Variants in FAM111B observed in about 807,000 individuals in gnomAD.
FAM111B encodes the protein FAM111 trypsin like peptidase B.
In FAM111B, 1 loss-of-function variant was observed where a neutral mutation model predicts 2.8. The observed-to-expected ratio is 0.36, with a 90% CI of 0.13 to 1.70. The LOEUF (loss-of-function observed/expected upper bound fraction) is 1.70. Ranked by LOEUF, FAM111B falls within the 40% of genes most tolerant of loss-of-function variation. FAM111B has a pLI of 0.35. For synonymous variants in FAM111B, 297 were observed against 295.6 expected, an observed-to-expected ratio of 1.00 and a Z score of -0.05; for missense variants, 882 against 878.9, an observed-to-expected ratio of 1.00 and a Z score of -0.04.
At position 59,118,743 on chromosome 11, in the gene FAM111B, T is replaced by G. The variant is rs535924611; in HGVS notation, c.82-5436T>G. 2.0e-5 allele frequency among the ~76,000 whole-genome samples: 3 copies of G among 152,074 alleles called. No homozygotes were observed. In the East Asian group the frequency reaches 5.8e-4, roughly 29 times the overall value. On this transcript the variant is annotated intron_variant, in intron 3 of 3. Coordinates refer to ENST00000343597, the MANE Select transcript of FAM111B (RefSeq NM_198947.4). ...AAGAAGTTTCCTTTTATTCCTAGGT[T>G]GCTGATATTATTAGAAATAGATGTC... is the stretch of plus-strand genomic sequence containing the variant.
At position 59,109,598 on chromosome 11, in the gene FAM111B, A is replaced by G. The variant is rs1346788781; in HGVS notation, c.-28A>G. The G allele has an allele frequency of 6.9e-7, 1 of 1,459,144 alleles. No individual in the cohort carries two copies. Among genetic ancestry groups the G allele is most frequent in the Non-Finnish European group, 9.5e-7 (1 of 1,055,368 alleles). The allele number at this position is 1,459,144 out of a possible 1,614,324, so 90.4% of individuals were successfully genotyped here. ...TTTCTCCATCTTATCGAGTAGTAGA[A>G]GTTAGTTACATTCTCTTTGAACTCA... is the stretch of plus-strand genomic sequence containing the variant. On this transcript the variant is annotated 5_prime_UTR_variant, in exon 3 of 4. Coordinates refer to ENST00000343597, the MANE Select transcript of FAM111B (RefSeq NM_198947.4).
chr11:59,122,983 G>T (rs1859946959), intron 3 of FAM111B, among the ~76,000 whole-genome samples: 1 of 152,016 alleles, frequency 6.6e-6, no homozygotes, highest in Non-Finnish European at 1.5e-5. Context: ...TCCAAGTTAT[G>T]TTGACTCTTG....
At chr11:59,116,101 C>G (rs188581593) in intron 3 of FAM111B, among the ~76,000 whole-genome samples, 1 of 152,296 alleles carries the variant, frequency 6.6e-6, no homozygotes, top group Admixed American at 6.5e-5. Context: ...TGCTCTGCCC[C>G]AAGGCCTCGA....
At chr11:59,112,960 C>T (rs1406176411) in intron 3 of FAM111B, among the ~76,000 whole-genome samples, 1 of 152,038 alleles carries the variant, frequency 6.6e-6, no homozygotes, top group Non-Finnish European at 1.5e-5. Flanking sequence ...GTCTTTTCAT[C>T]CTTTTATTCC....
At chr11:59,122,173 A>G in intron 3 of FAM111B, among the ~76,000 whole-genome samples, 1 of 152,214 alleles carries the variant, frequency 6.6e-6, no homozygotes, top group East Asian at 1.9e-4. Context: ...TAAAATAAAT[A>G]AGTAGTGCAA....
intron 3 of FAM111B, among the ~76,000 whole-genome samples, chr11:59,117,759 G>A (rs1590890229): frequency 6.6e-6 from 1 of 152,240 alleles, no homozygotes; most frequent in Non-Finnish European, 1.5e-5. Flanking sequence ...TTCTTCTGAG[G>A]TTTGGGAGTG....
chr11:59,113,089 A>G (rs1201900786), intron 3 of FAM111B, among the ~76,000 whole-genome samples: 2 of 152,178 alleles, frequency 1.3e-5, no homozygotes, highest in African/African-American at 4.8e-5. Context: ...ATCACAAAAC[A>G]TTTCTAGTTT....
intron 3 of FAM111B, among the ~76,000 whole-genome samples, chr11:59,113,784 C>G (rs75690737): frequency 0.021 from 3,254 of 152,218 alleles, 129 homozygotes; most frequent in African/African-American, 0.074. Context: ...ACAGTCTGCC[C>G]GGCACATTAG....
At position 59,125,755 on chromosome 11, in the gene FAM111B, A is replaced by G; in HGVS notation, c.1658A>G (p.Asn553Ser). ...TATGCCATTTTAAAACTAAAAGAAA[A>G]TGGAAATGCGTTTCCTCCAGGACTA... is the stretch of plus-strand genomic sequence containing the variant. ...LDYAILKLKENGNAFPPGLWR... is the reference protein window; with the variant it reads ...LDYAILKLKESGNAFPPGLWR... Residue 553 changes from asparagine to serine, a missense_variant, in exon 4 of 4, where the codon AAT (asparagine) becomes AGT (serine). Transcript: ENST00000343597. 6.2e-7 allele frequency: 1 copy of G among 1,613,834 alleles called. No individual in the cohort carries two copies. Among genetic ancestry groups the G allele is most frequent in the Admixed American group, 1.7e-5 (1 of 60,002 alleles).
intron 3 of FAM111B, among the ~76,000 whole-genome samples, chr11:59,116,310 G>T (rs1426823217): frequency 6.6e-6 from 1 of 152,152 alleles, no homozygotes; most frequent in Non-Finnish European, 1.5e-5. Flanking sequence ...TACCAACAAA[G>T]AGTAACAGGC....
At chr11:59,118,629 T>C (rs1392754860) in intron 3 of FAM111B, among the ~76,000 whole-genome samples, 2 of 152,184 alleles carry the variant, frequency 1.3e-5, no homozygotes, top group African/African-American at 4.8e-5. Context: ...CATTCTTGTG[T>C]TTTTTCTAGT....
At position 59,125,161 on chromosome 11, in the gene FAM111B, G is replaced by A. The variant is rs762463402; in HGVS notation, c.1064G>A (p.Arg355Gln). The A allele has an allele frequency of 1.5e-5, 25 of 1,613,750 alleles. No homozygotes were observed. The highest frequency in any genetic ancestry group is 1.6e-4 in the Middle Eastern group (1 of 6,084). The change falls in exon 4 of 4, where the codon CGA (arginine) becomes CAA (glutamine). Residue 355 changes from arginine to glutamine, a missense_variant. By Grantham distance (43) the Arg-to-Gln change is conservative. Transcript: ENST00000343597. ...IRNYYFCSLPRKYRQINSQVR... is the reference protein window; with the variant it reads ...IRNYYFCSLPQKYRQINSQVR... ...AATTATTACTTTTGTAGTTTGCCCC[G>A]AAAATATAGGCAAATAAACTCACAA... is the stretch of plus-strand genomic sequence containing the variant.
Position 59,125,192 on chromosome 11 carries a change from A to G in FAM111B, c.1095A>G (p.Arg365=). ...ATAGGCAAATAAACTCACAAGTTAG[A>G]CGGAGGCCGCATCTGGGTAGGCGGT... ...RKYRQINSQV[R]RRPHLGRRYA... The change falls in exon 4 of 4, where the codon AGA becomes AGG. Residue 365 remains arginine, a synonymous_variant. Coordinates refer to ENST00000343597, the MANE Select transcript of FAM111B (RefSeq NM_198947.4). 1 of 1,614,012 alleles carries G rather than the reference A, an allele frequency of 6.2e-7. No homozygotes were observed.
intron 3 of FAM111B, among the ~76,000 whole-genome samples, chr11:59,120,025 TAGTC>T (rs1190206022): frequency 6.6e-6 from 1 of 152,194 alleles, no homozygotes; most frequent in Admixed American, 6.5e-5. Context: ...GGATTTAGCT[TAGTC>T]AGCAATATCA....
At chr11:59,120,756 T>C (rs896177719) in intron 3 of FAM111B, among the ~76,000 whole-genome samples, 10 of 152,336 alleles carry the variant, frequency 6.6e-5, no homozygotes, top group Non-Finnish European at 1.2e-4. Context: ...CCCATCCTAC[T>C]GCAGTGTGAC....
At chr11:59,121,299 GAAC>G (rs1859918029) in intron 3 of FAM111B, among the ~76,000 whole-genome samples, 1 of 152,032 alleles carries the variant, frequency 6.6e-6, no homozygotes, top group Non-Finnish European at 1.5e-5. Context: ...GTATAAAAAT[GAAC>G]AAAAGACATA....
rs374300981 is a variant in FAM111B, at chr11:59,118,737, C to G, written c.82-5442C>G. ...AGATTGAAGAAGTTTCCTTTTATTC[C>G]TAGGTTGCTGATATTATTAGAAATA... On this transcript the variant is annotated intron_variant, in intron 3 of 3. Transcript: ENST00000343597. Among the ~76,000 whole-genome samples, 25 of 152,174 alleles carry G rather than the reference C, an allele frequency of 1.6e-4. No homozygotes were observed. The South Asian group carries it at 4.6e-3, about 28-fold the overall frequency.
chr11:59,122,069 G>T (rs1859931533), intron 3 of FAM111B, among the ~76,000 whole-genome samples: 1 of 152,206 alleles, frequency 6.6e-6, no homozygotes, highest in East Asian at 1.9e-4. Context: ...TTAAACCTGG[G>T]AAGTGGAGGT....
intron 3 of FAM111B, among the ~76,000 whole-genome samples, chr11:59,112,141 A>G (rs368139485): frequency 4.6e-5 from 7 of 152,124 alleles, no homozygotes; most frequent in African/African-American, 1.7e-4. Flanking sequence ...CCATCACTCT[A>G]TATAATTTCC....
Sources: allele counts gnomAD v4.1 joint callset (sites outside exome capture counted in the v4.1 genomes callset), GRCh38; gene constraint gnomAD v4.1.1; transcripts MANE v1.5; gene names NCBI Gene and HGNC (gene_info 2026-07-23, HGNC 2026-07-21).